The following COL4A4 variants were observed in gnomAD, a reference collection of about 807,000 sequenced individuals.
COL4A4 encodes the protein collagen type IV alpha 4 chain.
A neutral mutation model predicts 192.9 loss-of-function variants in COL4A4; 105 were observed. That is an observed-to-expected ratio of 0.54 (90% confidence interval 0.46 to 0.64). The LOEUF is 0.64. Ranked by LOEUF, COL4A4 falls within the 30% of genes least tolerant of loss-of-function variation. The pLI, the probability that COL4A4 is intolerant of heterozygous loss-of-function variation, is 0.00. For synonymous variants in COL4A4, 762 were observed against 769.9 expected (o/e 0.99, Z 0.17); for missense variants, 1,967 against 2,169.3 (o/e 0.91, Z 1.85).
At chr2:227,138,889 T>C (rs2063004819) in intron 4 of COL4A4, among the ~76,000 whole-genome samples, 1 of 152,216 alleles carries the variant, frequency 6.6e-6, no homozygotes, top group Admixed American at 6.5e-5. Context: ...TGTAGACTCC[T>C]CTTTACTGTA....
In COL4A4 at chr2:227,080,439, A is replaced by T. The variant is rs757567542; in HGVS notation, c.1803+4T>A. 1.9e-6 allele frequency: 3 copies of T among 1,611,130 alleles called. No individual in the cohort carries two copies. Among genetic ancestry groups the T allele is most frequent in the Non-Finnish European group, 2.5e-6 (3 of 1,177,264 alleles). ...TTCTATAGCAAGAGAAGAATTCTACATACTGGAGGTCCTGGATCCCCTTTT... is the reference window on the plus strand; with the variant it reads ...TTCTATAGCAAGAGAAGAATTCTACTTACTGGAGGTCCTGGATCCCCTTTT... On this transcript the variant is annotated splice_donor_region_variant and intron_variant, in intron 24 of 47. Transcript: ENST00000396625.
At position 227,044,062 on chromosome 2, in the gene COL4A4, C is replaced by G. The variant is rs114820024; in HGVS notation, c.3290-878G>C. ...ACTTGCTGCAGAGCACAATTCAGTT[C>G]TTCTCTAGTTTTCTAGAACAGACCA... On this transcript the variant is annotated intron_variant, in intron 35 of 47. Transcript: ENST00000396625. Among the ~76,000 whole-genome samples, 895 of 152,274 alleles carry G rather than the reference C, an allele frequency of 5.9e-3. 10 individuals carry two copies. Among genetic ancestry groups the G allele is most frequent in the African/African-American group, 0.02 (843 of 41,546 alleles).
chr2:227,157,128 G>T (rs1250502285), intron 1 of COL4A4, among the ~76,000 whole-genome samples: 2 of 152,090 alleles, frequency 1.3e-5, no homozygotes, highest in Non-Finnish European at 2.9e-5. Flanking sequence ...AAATCTTGCA[G>T]ATAATTACAC....
At chr2:227,103,308 A>C (rs1246813578) in intron 13 of COL4A4, 111 bp from the exon 14 acceptor site, 1 of 856,804 alleles carries the variant, frequency 1.2e-6, no homozygotes, top group Non-Finnish European at 1.9e-6. Context: ...TAAAAAAAAA[A>C]ATCTTAAGAG....
intron 4 of COL4A4, among the ~76,000 whole-genome samples, chr2:227,125,098 G>A (rs924562719): frequency 1.3e-5 from 2 of 152,006 alleles, no homozygotes; most frequent in Non-Finnish European, 1.5e-5. Context: ...GTTTGCAGAG[G>A]GGAAAAAAGG....
chr2:226,993,991 C>T, the COL4A4 span, among the ~76,000 whole-genome samples: 1 of 152,232 alleles, frequency 6.6e-6, no homozygotes, highest in African/African-American at 2.4e-5. Flanking sequence ...TTTGCCCACC[C>T]TCCCTTCCCA....
At chr2:226,991,834 T>G in the COL4A4 span, among the ~76,000 whole-genome samples, 2 of 152,192 alleles carry the variant, frequency 1.3e-5, no homozygotes, top group Non-Finnish European at 2.9e-5. Context: ...GTCCCCTTTT[T>G]CAGTAGCCTC....
At chr2:227,057,888 C>A (rs1310683777) in intron 28 of COL4A4, among the ~76,000 whole-genome samples, 1 of 152,224 alleles carries the variant, frequency 6.6e-6, no homozygotes, top group Non-Finnish European at 1.5e-5. Flanking sequence ...TAACCTCTAA[C>A]TTTGCATCAG....
At chr2:227,147,620 T>G (rs952775552) in intron 1 of COL4A4, 36 bp from the exon 2 acceptor site, 4 of 726,306 alleles carry the variant, frequency 5.5e-6, no homozygotes, top group Non-Finnish European at 9.8e-6. Context: ...AAACACAGCA[T>G]GCATTATAAT....
At chr2:227,114,763 T>C in intron 7 of COL4A4, 67 bp from the exon 8 acceptor site, 2 of 1,247,928 alleles carry the variant, frequency 1.6e-6, no homozygotes, top group Non-Finnish European at 2.3e-6. Context: ...TTTTCTTTTC[T>C]ATATAAAATA....
chr2:227,030,617 C>G lies in COL4A4; in HGVS notation c.3818-19G>C. 7 of 1,559,244 alleles carry G rather than the reference C, an allele frequency of 4.5e-6. No homozygotes were observed. Among genetic ancestry groups the G allele is most frequent in the Non-Finnish European group, 6.0e-6 (7 of 1,158,228 alleles). On this transcript the variant is annotated intron_variant, in intron 40 of 47. Coordinates refer to ENST00000396625, the MANE Select transcript of COL4A4 (RefSeq NM_000092.5). ...GGTGCTCCTGACCACAGAGAAGAGA[C>G]AAAAATATTCTTTTAGTCAAAGACG...
At chr2:227,056,844 G>A (rs1381160656) in intron 29 of COL4A4, among the ~76,000 whole-genome samples, 1 of 152,206 alleles carries the variant, frequency 6.6e-6, no homozygotes, top group Admixed American at 6.5e-5. Flanking sequence ...GAGGACACAA[G>A]GAAGGCACAC....
At chr2:227,104,697 A>T (rs1429654975) in intron 12 of COL4A4, among the ~76,000 whole-genome samples, 2 of 147,756 alleles carry the variant, frequency 1.4e-5, no homozygotes, top group East Asian at 4.0e-4. Context: ...CCAGAGTGCA[A>T]TGACGCGATC....
rs781479400 is a variant in COL4A4 at position 227,089,894 on chromosome 2, C to T, written c.1433G>A (p.Gly478Glu). 1 of 1,613,700 alleles carries T rather than the reference C, an allele frequency of 6.2e-7. No individual in the cohort carries two copies. The highest frequency in any genetic ancestry group is 8.5e-7 in the Non-Finnish European group (1 of 1,179,760). ...TTTTTCTCCTTTTGGGCCTCTTCCT[C>T]CTGGGGGACCAACTTTGCCTTTTAT... ...QGIKGKVGPPGGRGPKGEKGN... is the reference protein window; with the variant it reads ...QGIKGKVGPPEGRGPKGEKGN... Residue 478 changes from glycine to glutamate, a missense_variant, in exon 21 of 48, where the codon GGA becomes GAA. Gly to Glu is a moderately conservative substitution (Grantham distance 98). Coordinates refer to ENST00000396625, the MANE Select transcript of COL4A4 (RefSeq NM_000092.5).
chr2:227,056,208 A>C, intron 29 of COL4A4, 93 bp from the exon 30 acceptor site: 1 of 1,061,930 alleles, frequency 9.4e-7, no homozygotes, highest in Non-Finnish European at 1.5e-6. Flanking sequence ...ACAATGCGTT[A>C]AACAACAGTA....
At chr2:227,046,646 T>A (rs1056723734) in intron 35 of COL4A4, among the ~76,000 whole-genome samples, 1 of 152,090 alleles carries the variant, frequency 6.6e-6, no homozygotes, top group African/African-American at 2.4e-5. Context: ...TCTGCAACAT[T>A]TTCTGAAATG....
chr2:227,101,949 C>T, intron 15 of COL4A4, 40 bp from the exon 16 acceptor site: 6 of 1,474,688 alleles, frequency 4.1e-6, no homozygotes, highest in Non-Finnish European at 5.6e-6. Context: ...AGAATTAAAT[C>T]AGAATGCATT....
Position 227,060,122 on chromosome 2 carries a change from A to T in COL4A4, c.2164+14T>A. On this transcript the variant is annotated intron_variant, in intron 27 of 47. Coordinates refer to ENST00000396625, the MANE Select transcript of COL4A4 (RefSeq NM_000092.5). ...AGCAGAAAAAAAAAAAAAAAAAAAA[A>T]AAACCTCACTGACCAGGTGGACCTG... The T allele has an allele frequency of 7.0e-7, 1 of 1,423,920 alleles. No homozygotes were observed. Among genetic ancestry groups the T allele is most frequent in the Non-Finnish European group, 9.6e-7 (1 of 1,036,530 alleles). The allele number at this position is 1,423,920 out of a possible 1,614,324, so 88.2% of individuals were successfully genotyped here. A position where few individuals can be genotyped will look rare whatever the true frequency, so the allele number is the denominator to read the frequency against.
chr2:227,060,031 GACCATTTCCTCA>G (rs1270959356), intron 27 of COL4A4, 93 bp downstream of exon 27: 9 of 765,112 alleles, frequency 1.2e-5, no homozygotes, highest in Admixed American at 5.1e-5. Context: ...GGGATCCCTG[GACCATTTCCTCA>G]ATGAAATTAT....
Sources: gnomAD v4.1 joint callset for allele counts (sites outside exome capture counted in the v4.1 genomes callset) on GRCh38, gnomAD v4.1.1 for gene constraint, MANE v1.5 for transcripts, NCBI Gene and HGNC (gene_info 2026-07-23, HGNC 2026-07-21) for gene names.